The following SRPRB variants were observed in gnomAD, a reference collection of about 807,000 sequenced individuals.
The protein encoded by SRPRB is signal recognition particle receptor subunit beta.
SRPRB carries 20 observed loss-of-function variants against 31.9 expected under a neutral mutation model. The observed-to-expected ratio is 0.63, with a 90% CI of 0.44 to 0.91. The LOEUF is 0.91. Among genes scored for constraint, SRPRB ranks in the 40% least tolerant of loss-of-function variants. SRPRB has a pLI of 0.00. For missense variants in SRPRB, 321 were observed against 324.9 expected, an observed-to-expected ratio of 0.99 and a Z score of 0.09; for synonymous variants, 146 against 132.8, an observed-to-expected ratio of 1.10 and a Z score of -0.68.
intron 4 of SRPRB, among the ~76,000 whole-genome samples, chr3:133,813,096 CATCT>C (rs2107972489): frequency 6.6e-6 from 1 of 152,320 alleles, no homozygotes; most frequent in East Asian, 1.9e-4. Flanking sequence ...TGACCTCATC[CATCT>C]GTTGCAGATG....
intron 6 of SRPRB, among the ~76,000 whole-genome samples, chr3:133,818,620 A>T (rs1357599335): frequency 6.6e-6 from 1 of 152,130 alleles, no homozygotes; most frequent in African/African-American, 2.4e-5. Flanking sequence ...AAAATATCTT[A>T]CTTATAATAG....
intron 4 of SRPRB, among the ~76,000 whole-genome samples, chr3:133,811,467 AT>A (rs1343923772): frequency 6.6e-6 from 1 of 152,240 alleles, no homozygotes; most frequent in African/African-American, 2.4e-5. Flanking sequence ...GTTTGCATTT[AT>A]TCTGAAGGTG....
upstream of SRPRB, among the ~76,000 whole-genome samples, chr3:133,804,917 T>C (rs992766892): frequency 1.3e-5 from 2 of 152,244 alleles, no homozygotes; most frequent in African/African-American, 4.8e-5. Flanking sequence ...GACTGTGAAC[T>C]GGGACCCTCT....
At chr3:133,805,154 C>T (rs1449087065), upstream of SRPRB, among the ~76,000 whole-genome samples, 4 of 152,208 alleles carry the variant, frequency 2.6e-5, no homozygotes, top group Non-Finnish European at 5.9e-5. Flanking sequence ...AGCCCCAGCT[C>T]TCCTGGGCGT....
Position 133,806,058 on chromosome 3 carries a change from G to T in SRPRB, c.154+56G>T, listed in dbSNP as rs1007895726. 10 of 1,581,658 alleles carry T rather than the reference G, an allele frequency of 6.3e-6. No homozygotes were observed. In the Middle Eastern group the frequency reaches 8.9e-4, roughly 140 times the overall value. On this transcript the variant is annotated intron_variant, in intron 1 of 6. Transcript: ENST00000678299. ...TGGGGCGGGCAGAGGTCCGGGCTTT[G>T]GCTGCACCGCTGCAGGCCGGGGACG...
At position 133,820,179 on chromosome 3, in the gene SRPRB, A is replaced by G; in HGVS notation, c.*413A>G. The G allele has an allele frequency of 1.1e-5, 2 of 185,906 alleles. No individual in the cohort carries two copies. The highest frequency in any genetic ancestry group is 2.2e-4 in the South Asian group (2 of 9,014). 11.5% of individuals were successfully genotyped at this position (185,906 alleles called of 1,614,324 possible). A position where few individuals can be genotyped will look rare whatever the true frequency, so the allele number is the denominator to read the frequency against. ...ATGAAGCTAGTTGATTTCCAGTTGC[A>G]CTATTTCCAGTTGCCTCTGAAGTTC... is the stretch of plus-strand genomic sequence containing the variant. On this transcript the variant is annotated 3_prime_UTR_variant, in exon 7 of 7. Coordinates refer to ENST00000678299, the MANE Select transcript of SRPRB (RefSeq NM_001379313.1).
At chr3:133,791,383 G>C (rs1275175030) in intron 1 of SRPRB, 1 of 152,140 alleles carries the variant, frequency 6.6e-6, no homozygotes, top group East Asian at 1.9e-4. Flanking sequence ...TAGTCAAGCA[G>C]GGTTCCTAGG....
chr3:133,784,742 G>A (rs1180656362), intron 1 of SRPRB: 2 of 152,224 alleles, frequency 1.3e-5, no homozygotes, highest in East Asian at 1.9e-4. Context: ...ATTGCCTTCC[G>A]TGAAACCATT....
At chr3:133,812,887 C>G (rs56212593) in intron 4 of SRPRB, among the ~76,000 whole-genome samples, 192 of 152,254 alleles carry the variant, frequency 1.3e-3, no homozygotes, top group African/African-American at 4.5e-3. Context: ...CTTTTGCTCC[C>G]CATTGCTTCT....
chr3:133,803,043 T>G (rs761310560), upstream of SRPRB, among the ~76,000 whole-genome samples: 1 of 152,206 alleles, frequency 6.6e-6, no homozygotes, highest in Non-Finnish European at 1.5e-5. Flanking sequence ...CCTACGTATT[T>G]TAACTCTCAG....
At chr3:133,797,037 A>G (rs1288138362) in intron 1 of SRPRB, among the ~76,000 whole-genome samples, 1 of 152,222 alleles carries the variant, frequency 6.6e-6, no homozygotes, top group Non-Finnish European at 1.5e-5. Context: ...ACAAACAAAC[A>G]TTTACATAGC....
At chr3:133,823,353 G>C (rs769649380), downstream of SRPRB, among the ~76,000 whole-genome samples, 1 of 152,138 alleles carries the variant, frequency 6.6e-6, no homozygotes, top group Non-Finnish European at 1.5e-5. Context: ...TCTGCCTCCC[G>C]GGTTCAAGTG....
chr3:133,818,785 AGT>A (rs146467727), intron 6 of SRPRB, among the ~76,000 whole-genome samples: 6,055 of 144,028 alleles, frequency 0.042, 152 homozygotes, highest in South Asian at 0.13. Flanking sequence ...ATACTTTTAC[AGT>A]GTGTGTGTGT....
intron 1 of SRPRB, chr3:133,789,062 A>C (rs1156563022): frequency 6.6e-6 from 1 of 152,254 alleles, no homozygotes; most frequent in African/African-American, 2.4e-5. Flanking sequence ...TGCCCACGTA[A>C]GGTCAGAGAT....
intron 1 of SRPRB, chr3:133,794,318 T>C (rs1046142181): frequency 6.6e-6 from 1 of 152,222 alleles, no homozygotes; most frequent in African/African-American, 2.4e-5. Flanking sequence ...TTTGGTCCCA[T>C]ATTCCTGGGA....
In SRPRB at chr3:133,821,145, C is replaced by G. The variant is rs1935464874; in HGVS notation, c.*1379C>G. ...GCCTCTGCCTGCTGTCTCACATGTC[C>G]CTTCTGGTGGTCACTTGGGCTCTAG... On this transcript the variant is annotated 3_prime_UTR_variant, in exon 7 of 7. Coordinates refer to ENST00000678299, the MANE Select transcript of SRPRB (RefSeq NM_001379313.1). The G allele has an allele frequency of 2.0e-5, 3 of 152,224 alleles. No individual in the cohort carries two copies. Among genetic ancestry groups the G allele is most frequent in the African/African-American group, 7.2e-5 (3 of 41,440 alleles). The allele number at this position is 152,224 out of a possible 1,614,324, so 9.4% of individuals were successfully genotyped here.
rs1230564906 is a variant in SRPRB, at chr3:133,819,668, A to G, written c.718A>G (p.Lys240Glu). ...GTTTGAATTCTCACAGTTGCCCCTC[A>G]AAGTGGAGTTCCTGGAGTGCAGTGC... The part of the protein sequence containing the change: ...KEFEFSQLPL[K>E]VEFLECSAKG... The change falls in exon 7 of 7, where the codon AAA (lysine) becomes GAA (glutamate). Residue 240 changes from lysine (K) to glutamate (E), a missense_variant. Coordinates refer to ENST00000678299, the MANE Select transcript of SRPRB (RefSeq NM_001379313.1). The G allele has an allele frequency of 6.2e-7, 1 of 1,614,156 alleles. No individual in the cohort carries two copies. The highest frequency in any genetic ancestry group is 8.5e-7 in the Non-Finnish European group (1 of 1,180,026).
At chr3:133,808,764 G>A (rs369622230) in intron 3 of SRPRB, among the ~76,000 whole-genome samples, 7 of 151,406 alleles carry the variant, frequency 4.6e-5, no homozygotes, top group East Asian at 4.0e-4. Flanking sequence ...GGTGGTGGGC[G>A]CCTGTAACCC....
At chr3:133,827,897 T>C, downstream of SRPRB, 1 of 702,926 alleles carries the variant, frequency 1.4e-6, no homozygotes, top group Non-Finnish European at 2.6e-6. Context: ...TACTGACTGC[T>C]GGGTGGGCTG....
Sources: gnomAD v4.1 joint callset for allele counts (sites outside exome capture counted in the v4.1 genomes callset) on GRCh38, gnomAD v4.1.1 for gene constraint, MANE v1.5 for transcripts, NCBI Gene and HGNC (gene_info 2026-07-23, HGNC 2026-07-21) for gene names.